The following SCN2A variants were observed in gnomAD, a reference collection of about 807,000 sequenced individuals.
SCN2A encodes sodium channel protein type 2 subunit alpha.
Under a neutral mutation model 188.7 loss-of-function variants are expected in SCN2A, and 20 were observed. The ratio of observed to expected loss-of-function variants is 0.11; its 90% CI spans 0.07 to 0.15. SCN2A has a LOEUF of 0.15. SCN2A is among the 10% of genes least tolerant of loss of function. The pLI, the probability that SCN2A is intolerant of heterozygous loss-of-function variation, is 1.00. For synonymous variants in SCN2A, 804 were observed against 833.1 expected, an observed-to-expected ratio of 0.97 and a Z score of 0.60; for missense variants, 1,278 against 2,445.0, an observed-to-expected ratio of 0.52 and a Z score of 10.07.
chr2:165,301,899 T>C (rs1696829748), intron 3 of SCN2A, among the ~76,000 whole-genome samples: 1 of 152,240 alleles, frequency 6.6e-6, no homozygotes, highest in Non-Finnish European at 1.5e-5. Context: ...TTTAGTTTTT[T>C]CTAAGGCTAC....
At chr2:165,362,312 G>A (rs545588404) in intron 17 of SCN2A, among the ~76,000 whole-genome samples, 2 of 152,036 alleles carry the variant, frequency 1.3e-5, no homozygotes, top group East Asian at 3.9e-4. Flanking sequence ...ATGAAAGGGA[G>A]CAATGTTAAT....
rs1057522258 is a variant in SCN2A at position 165,323,317 on chromosome 2, G to A, written c.1833G>A (p.Leu611=). 3 of 1,614,180 alleles carry A rather than the reference G, an allele frequency of 1.9e-6. No individual in the cohort carries two copies. Among genetic ancestry groups the A allele is most frequent in the Non-Finnish European group, 2.5e-6 (3 of 1,180,030 alleles). ...ACAATGACAGCCGAAGAGACTCTCT[G>A]TTCGTGCCGCACAGACATGGAGAAC... ...FEDNDSRRDS[L]FVPHRHGERR... Residue 611 remains leucine, a synonymous_variant, in exon 12 of 27, where the codon CTG becomes CTA. Coordinates refer to ENST00000375437, the MANE Select transcript of SCN2A (RefSeq NM_001040142.2).
Position 165,295,986 on chromosome 2 carries a change from G to A in SCN2A, c.163G>A (p.Asp55Asn). 1 of 1,614,144 alleles carries A rather than the reference G, an allele frequency of 6.2e-7. No individual in the cohort carries two copies. The highest frequency in any genetic ancestry group is 8.5e-7 in the Non-Finnish European group (1 of 1,180,018). ...TGAAAATGGCCCAAAGCCAAACAGT[G>A]ACTTGGAAGCAGGAAAATCTCTTCC... Reference protein sequence around the residue: ...DDENGPKPNSDLEAGKSLPFI... With the variant: ...DDENGPKPNSNLEAGKSLPFI... Residue 55 changes from aspartate (D) to asparagine (N), a missense_variant, in exon 2 of 27, where the codon GAC (aspartate) becomes AAC (asparagine). By Grantham distance (23) the Asp-to-Asn change is conservative. Around this residue, in one of 17 missense-constraint regions of SCN2A, gnomAD observed 141 missense variants for 185.4 expected, o/e 0.76. Transcript: ENST00000375437.
At chr2:165,315,402 A>ATT in intron 10 of SCN2A, 69 bp from the exon 11 acceptor site, 1 of 1,603,162 alleles carries the variant, frequency 6.2e-7, no homozygotes, top group Non-Finnish European at 8.5e-7. Context: ...TTGAAGCTCA[A>ATT]TTAAGCAGTA....
chr2:165,325,792 A>G (rs72874317), intron 12 of SCN2A, among the ~76,000 whole-genome samples: 98 of 152,310 alleles, frequency 6.4e-4, no homozygotes, highest in Non-Finnish European at 1.2e-3. Context: ...AGAATGACCT[A>G]TATGAATAGT....
At chr2:165,381,984 T>A (rs1701628197) in intron 25 of SCN2A, among the ~76,000 whole-genome samples, 1 of 152,030 alleles carries the variant, frequency 6.6e-6, no homozygotes, top group African/African-American at 2.4e-5. Context: ...AGACCGTAAT[T>A]AAGTGTTCAG....
intron 1 of SCN2A, among the ~76,000 whole-genome samples, chr2:165,291,525 T>TTTCCTTCCTTCCTTCCTTCC (rs369490510): frequency 6.3e-4 from 37 of 58,630 alleles, no homozygotes; most frequent in African/African-American, 2.5e-3. Flanking sequence ...CTCTCCTTTC[T>TTTCCTTCCTTCCTTCCTTCC]TTCCTTCCTT....
At chr2:165,257,817 C>G (rs945304783) in intron 1 of SCN2A, among the ~76,000 whole-genome samples, 1 of 152,118 alleles carries the variant, frequency 6.6e-6, no homozygotes, top group Non-Finnish European at 1.5e-5. Flanking sequence ...GGATAACAGG[C>G]GTGAGCCACC....
At chr2:165,306,401 G>T (rs1009183474) in intron 3 of SCN2A, among the ~76,000 whole-genome samples, 1 of 151,946 alleles carries the variant, frequency 6.6e-6, no homozygotes, top group Non-Finnish European at 1.5e-5. Flanking sequence ...AAGCACAGGG[G>T]ACCCTCTAGT....
At chr2:165,295,142 C>A (rs906714781) in intron 1 of SCN2A, among the ~76,000 whole-genome samples, 2 of 152,198 alleles carry the variant, frequency 1.3e-5, no homozygotes, top group Admixed American at 1.3e-4. Flanking sequence ...AGCTTCCGAG[C>A]AGTTCCAAAC....
intron 21 of SCN2A, 46 bp downstream of exon 21, chr2:165,373,393 A>T: frequency 6.2e-7 from 1 of 1,607,842 alleles, no homozygotes; most frequent in South Asian, 1.1e-5. Context: ...TATTGAGAGC[A>T]GACTGACACT....
intron 1 of SCN2A, chr2:165,273,230 A>C (rs1214049490): frequency 6.6e-6 from 1 of 152,172 alleles, no homozygotes; most frequent in Non-Finnish European, 1.5e-5. Flanking sequence ...TATTGATAGA[A>C]ATTATAACTA....
At position 165,341,346 on chromosome 2, in the gene SCN2A, G is replaced by T. The variant is rs554174421; in HGVS notation, c.2389-950G>T. Among the ~76,000 whole-genome samples the T allele has an allele frequency of 2.9e-3, 449 of 152,204 alleles. 2 individuals carry two copies. The highest frequency in any genetic ancestry group is 0.01 in the African/African-American group (428 of 41,520). ...CTGACCTCGTGATCTGCCCACCTCG[G>T]CCTCCCAAAGTGCTGGGATTACAGG... is the stretch of plus-strand genomic sequence containing the variant. On this transcript the variant is annotated intron_variant, in intron 14 of 26. Coordinates refer to ENST00000375437, the MANE Select transcript of SCN2A (RefSeq NM_001040142.2).
chr2:165,331,853 A>G (rs1698700878), intron 14 of SCN2A, among the ~76,000 whole-genome samples: 1 of 152,118 alleles, frequency 6.6e-6, no homozygotes, highest in South Asian at 2.1e-4. Flanking sequence ...AAATTCTGAC[A>G]TATTTTTAAG....
At chr2:165,280,001 C>T (rs1435404080) in intron 1 of SCN2A, among the ~76,000 whole-genome samples, 2 of 152,122 alleles carry the variant, frequency 1.3e-5, no homozygotes, top group African/African-American at 4.8e-5. Flanking sequence ...TGACTTGCTC[C>T]TTCTTGCCTT....
Position 165,323,507 on chromosome 2 carries a change from C to G in SCN2A, c.2016+7C>G. On this transcript the variant is annotated splice_region_variant and intron_variant, in intron 12 of 26. Transcript: ENST00000375437. The stretch of plus-strand genomic sequence containing the variant: ...TGGGCAGCTCCTACCAGAGGTGAGG[C>G]CAATTAAAATTGCAGCTGATGTGAA... 1 of 1,606,702 alleles carries G rather than the reference C, an allele frequency of 6.2e-7. No individual in the cohort carries two copies. Among genetic ancestry groups the G allele is most frequent in the South Asian group, 1.1e-5 (1 of 89,962 alleles).
chr2:165,291,579 C>CCTTCCTTCCTT (rs1559340835), intron 1 of SCN2A, among the ~76,000 whole-genome samples: 2 of 72,878 alleles, frequency 2.7e-5, no homozygotes. Context: ...CTTCCTTTCT[C>CCTTCCTTCCTT]TCTCTCTCTC....
At chr2:165,380,814 C>T (rs577580063) in intron 24 of SCN2A, 85 bp downstream of exon 24, 94 of 1,075,136 alleles carry the variant, frequency 8.7e-5, no homozygotes, top group Middle Eastern at 3.1e-4. Context: ...AATGCAATCA[C>T]CAAAAAAAGA....
intron 17 of SCN2A, among the ~76,000 whole-genome samples, chr2:165,357,473 G>T (rs1033216004): frequency 2.6e-5 from 4 of 152,080 alleles, no homozygotes; most frequent in Non-Finnish European, 5.9e-5. Flanking sequence ...GGACTCAGAG[G>T]TTTTTTAGGT....
Sources: allele counts gnomAD v4.1 joint callset (sites outside exome capture counted in the v4.1 genomes callset), GRCh38; gene constraint gnomAD v4.1.1; regional missense constraint gnomAD v4.1.1; transcripts MANE v1.5; gene names NCBI Gene and HGNC (gene_info 2026-07-23, HGNC 2026-07-21).